The following RPS6KA3 variants were observed in gnomAD, a reference collection of about 807,000 sequenced individuals.
The protein encoded by RPS6KA3 is ribosomal protein S6 kinase A3.
A neutral mutation model predicts 67.2 loss-of-function variants in RPS6KA3; 4 were observed. The ratio of observed to expected loss-of-function variants is 0.06; its 90% CI spans 0.03 to 0.14. The LOEUF (loss-of-function observed/expected upper bound fraction) is 0.14, where lower values mean the gene tolerates loss of function less well. RPS6KA3 is among the 10% of genes least tolerant of loss of function. The pLI, the probability that RPS6KA3 is intolerant of heterozygous loss-of-function variation, is 1.00. For synonymous variants in RPS6KA3, 182 were observed against 183.7 expected, an observed-to-expected ratio of 0.99 and a Z score of 0.07; for missense variants, 204 against 559.0, an observed-to-expected ratio of 0.36 and a Z score of 6.40.
chrX:20,258,736 G>A (rs756379660), intron 1 of RPS6KA3, among the ~76,000 whole-genome samples: 12 of 112,191 alleles, frequency 1.1e-4, no homozygotes, highest in African/African-American at 3.2e-4. Context: ...GGGAAAATTC[G>A]ATTTAACTTA....
At chrX:20,165,757 C>CCTATTTGATATACAAGGT (rs1223842499) in intron 17 of RPS6KA3, among the ~76,000 whole-genome samples, 3 of 111,478 alleles carry the variant, frequency 2.7e-5, no homozygotes, top group South Asian at 3.8e-4. Flanking sequence ...TTTGGTACTG[C>CCTATTTGATATACAAGGT]CTATTTGATA....
chrX:20,243,492 G>A (rs1456786866), intron 1 of RPS6KA3, among the ~76,000 whole-genome samples: 1 of 110,639 alleles, frequency 9.0e-6, no homozygotes, highest in Non-Finnish European at 1.9e-5. Flanking sequence ...CTACTCTTTT[G>A]TTTTTTGTTT....
intron 2 of RPS6KA3, among the ~76,000 whole-genome samples, chrX:20,233,558 G>C (rs2069327604): frequency 9.1e-6 from 1 of 110,029 alleles, no homozygotes; most frequent in African/African-American, 3.3e-5. Context: ...GGGCAACATA[G>C]CAAGACCCCA....
chrX:20,152,481 A>G lies in RPS6KA3; in HGVS notation c.*2917T>C, dbSNP rs1251107357. 8.9e-6 allele frequency: 1 copy of G among 112,198 alleles called. No individual in the cohort carries two copies. The highest frequency in any genetic ancestry group is 1.9e-5 in the Non-Finnish European group (1 of 53,209). The allele number at this position is 112,198 out of a possible 1,213,427, so 9.2% of individuals were successfully genotyped here. The stretch of plus-strand genomic sequence containing the variant: ...TGATAGTTTAGTTTCTTCTTTCACA[A>G]TGAAATATCTTTAAGACTGGACTGA... On this transcript the variant is annotated 3_prime_UTR_variant, in exon 22 of 22. Coordinates refer to ENST00000379565, the MANE Select transcript of RPS6KA3 (RefSeq NM_004586.3).
chrX:20,267,064 G>A (rs1035503811), upstream of RPS6KA3: 23 of 752,950 alleles, frequency 3.1e-5, no homozygotes, highest in African/African-American at 5.1e-4. Context: ...AGGCTCGGCC[G>A]CCGCCACCAC....
chrX:20,243,464 A>C (rs1225266418), intron 1 of RPS6KA3, among the ~76,000 whole-genome samples: 2 of 111,509 alleles, frequency 1.8e-5, no homozygotes, highest in Non-Finnish European at 3.8e-5. Flanking sequence ...TTCAAACCCA[A>C]ATCTAATTCT....
At chrX:20,184,797 T>C (rs1365470131) in intron 10 of RPS6KA3, among the ~76,000 whole-genome samples, 2 of 111,790 alleles carry the variant, frequency 1.8e-5, no homozygotes, top group Non-Finnish European at 1.9e-5. Flanking sequence ...ATGAACATGG[T>C]ATATTCTTTC....
chrX:20,209,300 T>C lies in RPS6KA3; in HGVS notation c.231A>G (p.Gly77=), dbSNP rs923126635. The C allele has an allele frequency of 2.6e-6, 3 of 1,142,523 alleles. No homozygotes were observed. In the African/African-American group the frequency reaches 5.4e-5, roughly 21 times the overall value. 94.2% of individuals were successfully genotyped at this position (1,142,523 alleles called of 1,213,427 possible). A position where few individuals can be genotyped will look rare whatever the true frequency, so the allele number is the denominator to read the frequency against. The change falls in exon 3 of 22, where the codon GGA becomes GGG. Residue 77 remains glycine, a synonymous_variant. Transcript: ENST00000379565. ...ACTCATGACTTACCTTTCCAAATGATCCCTGCCCTAATACTTTTAAAAGTT... is the reference window on the plus strand; with the variant it reads ...ACTCATGACTTACCTTTCCAAATGACCCCTGCCCTAATACTTTTAAAAGTT... ...QFELLKVLGQ[G]SFGKVFLVKK... is the part of the protein sequence containing the mutation.
chrX:20,262,963 C>A (rs1421941105), intron 1 of RPS6KA3, among the ~76,000 whole-genome samples: 1 of 110,946 alleles, frequency 9.0e-6, no homozygotes, highest in Non-Finnish European at 1.9e-5. Context: ...ATCTCCCACA[C>A]AAAGGCCTCA....
At chrX:20,250,344 A>C (rs1167405229) in intron 1 of RPS6KA3, among the ~76,000 whole-genome samples, 1 of 111,160 alleles carries the variant, frequency 9.0e-6, no homozygotes, top group Non-Finnish European at 1.9e-5. Context: ...GCATGCCACT[A>C]TTCCTTGCTA....
chrX:20,197,736 G>A (rs1223477373), intron 4 of RPS6KA3, among the ~76,000 whole-genome samples: 1 of 111,648 alleles, frequency 9.0e-6, no homozygotes, highest in Admixed American at 9.5e-5. Context: ...TAAAGACCTA[G>A]TGACAATTCT....
rs774830378 is a variant in RPS6KA3, at chrX:20,219,300, T to C, written c.127-9896A>G. Among the ~76,000 whole-genome samples the C allele has an allele frequency of 1.4e-3, 156 of 111,637 alleles. 1 individual carries two copies. Among genetic ancestry groups the C allele is most frequent in the African/African-American group, 4.8e-3 (148 of 30,753 alleles). On this transcript the variant is annotated intron_variant, in intron 2 of 21. Coordinates refer to ENST00000379565, the MANE Select transcript of RPS6KA3 (RefSeq NM_004586.3). ...CTGATGCACAAGTGGAATTTGACCC[T>C]TTGCAGTGTGTTTATACACACACTC...
intron 7 of RPS6KA3, among the ~76,000 whole-genome samples, chrX:20,188,896 C>CA (rs1166657128): frequency 8.9e-6 from 1 of 112,425 alleles, no homozygotes; most frequent in African/African-American, 3.2e-5. Context: ...ACATTTAATT[C>CA]AAAAACATCA....
At chrX:20,213,869 G>A (rs1336562478) in intron 2 of RPS6KA3, among the ~76,000 whole-genome samples, 1 of 109,424 alleles carries the variant, frequency 9.1e-6, no homozygotes, top group African/African-American at 3.3e-5. Flanking sequence ...TGGTTCAAAT[G>A]AAGGCTAGGT....
intron 2 of RPS6KA3, among the ~76,000 whole-genome samples, chrX:20,229,558 G>A (rs746550470): frequency 8.9e-6 from 1 of 112,178 alleles, no homozygotes; most frequent in Admixed American, 9.4e-5. Flanking sequence ...ATAAATGTGT[G>A]TAGTTCTAAG....
At chrX:20,208,404 G>A (rs1286088897) in intron 3 of RPS6KA3, among the ~76,000 whole-genome samples, 1 of 111,233 alleles carries the variant, frequency 9.0e-6, no homozygotes, top group Non-Finnish European at 1.9e-5. Context: ...AGCGCTACAT[G>A]AAAAACACTG....
At chrX:20,242,024 T>C (rs1221869699) in intron 1 of RPS6KA3, among the ~76,000 whole-genome samples, 1 of 111,796 alleles carries the variant, frequency 8.9e-6, no homozygotes, top group East Asian at 2.8e-4. Context: ...TGAAGTATAC[T>C]GACACCAACC....
At chrX:20,182,477 G>A (rs1229302873) in intron 10 of RPS6KA3, among the ~76,000 whole-genome samples, 1 of 111,817 alleles carries the variant, frequency 8.9e-6, no homozygotes, top group African/African-American at 3.2e-5. Context: ...TATTTTTACA[G>A]GGTTGGAAAA....
chrX:20,207,707 G>A (rs2068604870), intron 3 of RPS6KA3, among the ~76,000 whole-genome samples: 1 of 111,836 alleles, frequency 8.9e-6, no homozygotes, highest in Non-Finnish European at 1.9e-5. Context: ...AAATTGAATT[G>A]AAGTCCGGCT....
Sources: allele counts gnomAD v4.1 joint callset (sites outside exome capture counted in the v4.1 genomes callset), GRCh38; gene constraint gnomAD v4.1.1; transcripts MANE v1.5; gene names NCBI Gene and HGNC (gene_info 2026-07-23, HGNC 2026-07-21).